PCDHA4: variants seen among roughly 807,000 people sequenced by gnomAD.
PCDHA4 encodes protocadherin alpha-4.
PCDHA4 carries 49 observed loss-of-function variants against 61.4 expected under a neutral mutation model. The ratio of observed to expected loss-of-function variants is 0.80; its 90% CI spans 0.63 to 1.01. The LOEUF (loss-of-function observed/expected upper bound fraction) is 1.01, where lower values mean the gene tolerates loss of function less well. Ranked by LOEUF, PCDHA4 falls within the 50% of genes least tolerant of loss-of-function variation. The pLI is 0.00. For synonymous variants in PCDHA4, 590 were observed against 550.3 expected (o/e 1.07, Z -1.01); for missense variants, 1,254 against 1,235.8 (o/e 1.01, Z -0.22).
intron 1 of PCDHA4, among the ~76,000 whole-genome samples, chr5:140,953,756 G>C (rs2094932328): frequency 6.6e-6 from 1 of 152,208 alleles, no homozygotes; most frequent in South Asian, 2.1e-4. Context: ...ATTTATCCAA[G>C]AATTAAATTT....
intron 1 of PCDHA4, among the ~76,000 whole-genome samples, chr5:140,935,339 A>G (rs1048024159): frequency 1.3e-5 from 2 of 152,180 alleles, no homozygotes; most frequent in Admixed American, 6.5e-5. Context: ...TTTCTCCCAT[A>G]CGTCAAATCC....
intron 1 of PCDHA4, chr5:140,834,473 G>C: frequency 6.2e-7 from 1 of 1,614,140 alleles, no homozygotes; most frequent in Non-Finnish European, 8.5e-7. Context: ...GGAGAGGCCA[G>C]CTCCACTACT....
chr5:140,892,232 T>C (rs2063437812), intron 1 of PCDHA4, among the ~76,000 whole-genome samples: 1 of 152,176 alleles, frequency 6.6e-6, no homozygotes, highest in African/African-American at 2.4e-5. Context: ...GTGTTTTGTC[T>C]CCACATAAAC....
rs2150110384 is a variant in PCDHA4, at chr5:140,821,746, T to C, written c.2385+12174T>C. ...CAAAATACATTGTGTGGTGATGCAATAGAAAGCTCATAATTGGAACGAGAT... is the reference window on the plus strand; with the variant it reads ...CAAAATACATTGTGTGGTGATGCAACAGAAAGCTCATAATTGGAACGAGAT... On this transcript the variant is annotated intron_variant, in intron 1 of 3. Transcript: ENST00000530339. 12 of 1,569,278 alleles carry C rather than the reference T, an allele frequency of 7.6e-6. No individual in the cohort carries two copies. The South Asian group carries it at 1.3e-4, about 17-fold the overall frequency.
chr5:140,901,658 G>T (rs1554189962), intron 1 of PCDHA4, among the ~76,000 whole-genome samples: 1 of 151,936 alleles, frequency 6.6e-6, no homozygotes, highest in Admixed American at 6.6e-5. Flanking sequence ...TGTTCTTTTT[G>T]CTCAAGATAC....
chr5:140,814,586 C>T (rs1049103796), intron 1 of PCDHA4: 3 of 151,932 alleles, frequency 2.0e-5, no homozygotes, highest in African/African-American at 7.3e-5. Flanking sequence ...AATTACTGTA[C>T]ATAATTGTAT....
intron 1 of PCDHA4, chr5:140,848,306 T>C (rs1781428970): frequency 1.4e-6 from 1 of 705,366 alleles, no homozygotes; most frequent in South Asian, 2.0e-5. Context: ...GTGATGTCAC[T>C]CTTTGCCGCG....
intron 1 of PCDHA4, chr5:140,877,508 C>T (rs892674985): frequency 2.5e-6 from 4 of 1,613,808 alleles, no homozygotes; most frequent in Non-Finnish European, 2.5e-6. Context: ...CCAAAGACGT[C>T]GTCGCGGGCC....
intron 1 of PCDHA4, among the ~76,000 whole-genome samples, chr5:140,839,745 C>T (rs1414249750): frequency 6.6e-6 from 1 of 151,938 alleles, no homozygotes; most frequent in Non-Finnish European, 1.5e-5. Flanking sequence ...CCCTTATTTG[C>T]CTTTCCTATT....
At chr5:140,858,788 T>C (rs528259521) in intron 1 of PCDHA4, 5 of 390,400 alleles carry the variant, frequency 1.3e-5, no homozygotes, top group Middle Eastern at 1.4e-3. Flanking sequence ...TCATGTTATT[T>C]CATTTCCAAT....
intron 1 of PCDHA4, chr5:140,866,780 G>C (rs1327991487): frequency 6.6e-6 from 1 of 152,092 alleles, no homozygotes; most frequent in Admixed American, 6.6e-5. Flanking sequence ...TGTATGTCCT[G>C]ACTGATATAG....
In PCDHA4 at chr5:141,011,948, A is replaced by G. The variant is rs1011232437; in HGVS notation, c.*2011A>G. ...TAGGAGTCTGTTATTTAAAAAAAGC[A>G]TTAAATTTAAAAAAAAACTGTCTTG... On this transcript the variant is annotated 3_prime_UTR_variant, in exon 4 of 4. Transcript: ENST00000530339. 3 of 153,698 alleles carry G rather than the reference A, an allele frequency of 2.0e-5. No homozygotes were observed. The highest frequency in any genetic ancestry group is 4.4e-5 in the Non-Finnish European group (3 of 68,026). The allele number at this position is 153,698 out of a possible 1,614,324, so 9.5% of individuals were successfully genotyped here.
chr5:140,968,293 G>A, intron 1 of PCDHA4: 1 of 1,613,962 alleles, frequency 6.2e-7, no homozygotes, highest in South Asian at 1.1e-5. Flanking sequence ...ACTCCCTTCT[G>A]GAGAGGGAGA....
chr5:140,929,470 T>G (rs1554207109), intron 1 of PCDHA4: 3 of 1,296,742 alleles, frequency 2.3e-6, no homozygotes, highest in Admixed American at 2.9e-5. Context: ...CCAAGAAATC[T>G]GGAAGTATAG....
chr5:140,843,894 A>G, intron 1 of PCDHA4: 1 of 670,078 alleles, frequency 1.5e-6, no homozygotes, highest in Non-Finnish European at 2.5e-6. Context: ...AGTATTAATC[A>G]TTCTCCACAA....
At chr5:140,898,984 C>T (rs1237034997) in intron 1 of PCDHA4, among the ~76,000 whole-genome samples, 3 of 151,964 alleles carry the variant, frequency 2.0e-5, no homozygotes, top group Non-Finnish European at 4.4e-5. Flanking sequence ...TGATTTGGCT[C>T]TCTGTTTGTC....
At chr5:140,918,977 AG>A (rs1226723076) in intron 1 of PCDHA4, among the ~76,000 whole-genome samples, 6 of 152,192 alleles carry the variant, frequency 3.9e-5, no homozygotes, top group African/African-American at 1.4e-4. Context: ...CGTTTAGGTT[AG>A]TTGGTTTTTA....
rs141978908 is a variant in PCDHA4 at position 140,828,437 on chromosome 5, G to T, written c.2385+18865G>T. ...GGTGATCGTGGACAGGCCGCTGCAG[G>T]TTTTCCATGTGGACGTGGAGGTGAG... On this transcript the variant is annotated intron_variant, in intron 1 of 3. Coordinates refer to ENST00000530339, the MANE Select transcript of PCDHA4 (RefSeq NM_018907.4). 7.8e-5 allele frequency: 126 copies of T among 1,614,152 alleles called. No individual in the cohort carries two copies. Among genetic ancestry groups the T allele is most frequent in the Non-Finnish European group, 9.9e-5 (117 of 1,180,064 alleles).
intron 1 of PCDHA4, among the ~76,000 whole-genome samples, chr5:140,899,663 C>T (rs1583349850): frequency 1.3e-5 from 2 of 152,176 alleles, no homozygotes; most frequent in African/African-American, 4.8e-5. Flanking sequence ...TGTCTCTGCC[C>T]GGCTTTGGTA....
Sources: allele counts gnomAD v4.1 joint callset (sites outside exome capture counted in the v4.1 genomes callset), GRCh38; gene constraint gnomAD v4.1.1; transcripts MANE v1.5; gene names NCBI Gene and HGNC (gene_info 2026-07-23, HGNC 2026-07-21).